The following SHISA6 variants were observed in gnomAD, a reference collection of about 807,000 sequenced individuals.
SHISA6 encodes protein shisa-6.
Under a neutral mutation model 47.9 loss-of-function variants are expected in SHISA6, and 22 were observed. The ratio of observed to expected loss-of-function variants is 0.46; its 90% CI spans 0.33 to 0.66. SHISA6 has a LOEUF of 0.66. Ranked by LOEUF, SHISA6 falls within the 30% of genes least tolerant of loss-of-function variation. The pLI is 0.02. For missense variants in SHISA6, 680 were observed against 764.6 expected (o/e 0.89, Z 1.30); for synonymous variants, 388 against 337.8 (o/e 1.15, Z -1.63).
chr17:11,334,085 A>G (rs1911230031), intron 2 of SHISA6, among the ~76,000 whole-genome samples: 1 of 152,172 alleles, frequency 6.6e-6, no homozygotes. Context: ...TCTGTGAGCC[A>G]TTCCAGAAAT....
intron 3 of SHISA6, among the ~76,000 whole-genome samples, chr17:11,434,060 C>G (rs1321575966): frequency 6.7e-6 from 1 of 149,496 alleles, no homozygotes; most frequent in Non-Finnish European, 1.5e-5. Flanking sequence ...TTTCTTTTTT[C>G]TCTCTTTTTT....
In SHISA6 at chr17:11,306,770, A is replaced by G. The variant is rs75015331; in HGVS notation, c.799+43244A>G. ...GGTCTACTTGCTTCCTGTCAGTTCCATGTTCCAGCAACTGCACTTAGTATT... is the reference window on the plus strand; with the variant it reads ...GGTCTACTTGCTTCCTGTCAGTTCCGTGTTCCAGCAACTGCACTTAGTATT... On this transcript the variant is annotated intron_variant, in intron 2 of 5. Transcript: ENST00000441885. 7.2e-3 allele frequency among the ~76,000 whole-genome samples: 1,093 copies of G among 152,252 alleles called. 31 individuals carry two copies. The East Asian group carries it at 0.084, about 12-fold the overall frequency.
chr17:11,265,594 G>GTAGT (rs1718752765), intron 2 of SHISA6, among the ~76,000 whole-genome samples: 1 of 152,282 alleles, frequency 6.6e-6, no homozygotes, highest in African/African-American at 2.4e-5. Context: ...CCACCTTTGA[G>GTAGT]TAGTGTATTT....
chr17:11,443,968 G>A (rs1241023728), intron 3 of SHISA6, among the ~76,000 whole-genome samples: 1 of 152,120 alleles, frequency 6.6e-6, no homozygotes, highest in Admixed American at 6.6e-5. Context: ...CACCATAAGT[G>A]ATATTTATAA....
intron 2 of SHISA6, among the ~76,000 whole-genome samples, chr17:11,337,219 G>T (rs186007307): frequency 1.6e-4 from 24 of 152,252 alleles, no homozygotes; most frequent in Admixed American, 1.4e-3. Context: ...GAGAGAGTGG[G>T]CAAAACGCAA....
At chr17:11,447,580 C>T (rs1482712828) in intron 3 of SHISA6, among the ~76,000 whole-genome samples, 1 of 152,174 alleles carries the variant, frequency 6.6e-6, no homozygotes, top group African/African-American at 2.4e-5. Context: ...TGTGTCCCAC[C>T]CTCTACCCCA....
At chr17:11,400,514 G>A (rs1913732329) in intron 3 of SHISA6, among the ~76,000 whole-genome samples, 1 of 152,094 alleles carries the variant, frequency 6.6e-6, no homozygotes, top group Non-Finnish European at 1.5e-5. Context: ...CCCAGTATGA[G>A]CTTCTGTCAA....
intron 3 of SHISA6, among the ~76,000 whole-genome samples, chr17:11,399,990 T>C (rs973669797): frequency 2.6e-5 from 4 of 152,324 alleles, no homozygotes; most frequent in Middle Eastern, 3.4e-3. Flanking sequence ...TGCTTGAAAG[T>C]CATTTCTCAT....
intron 2 of SHISA6, among the ~76,000 whole-genome samples, chr17:11,361,871 C>T (rs563192710): frequency 3.3e-5 from 5 of 152,208 alleles, no homozygotes; most frequent in South Asian, 2.1e-4. Context: ...ACAACAGAGG[C>T]GGAATTCTAT....
chr17:11,505,882 G>A (rs2071494625), intron 3 of SHISA6, among the ~76,000 whole-genome samples: 1 of 152,126 alleles, frequency 6.6e-6, no homozygotes, highest in African/African-American at 2.4e-5. Flanking sequence ...GGAGAAGAAA[G>A]GCATATACTG....
At chr17:11,528,150 C>A (rs1338245951) in intron 3 of SHISA6, among the ~76,000 whole-genome samples, 1 of 151,938 alleles carries the variant, frequency 6.6e-6, no homozygotes, top group South Asian at 2.1e-4. Flanking sequence ...TAGTATTTAC[C>A]AAACTAAGCA....
intron 2 of SHISA6, among the ~76,000 whole-genome samples, chr17:11,265,877 C>T (rs1908406833): frequency 6.6e-6 from 1 of 152,174 alleles, no homozygotes; most frequent in Admixed American, 6.5e-5. Context: ...CTCGTCTCTT[C>T]TAGTGAGCTG....
chr17:11,496,510 C>T (rs897564284), intron 3 of SHISA6, among the ~76,000 whole-genome samples: 17 of 152,022 alleles, frequency 1.1e-4, no homozygotes, highest in Middle Eastern at 3.2e-3. Flanking sequence ...GAGGCTGAGG[C>T]GGGTGAATCA....
At chr17:11,406,480 G>GGACA (rs1913964222) in intron 3 of SHISA6, among the ~76,000 whole-genome samples, 1 of 152,094 alleles carries the variant, frequency 6.6e-6, no homozygotes, top group Admixed American at 6.5e-5. Context: ...TCTTGCCTTT[G>GGACA]GACATCACCT....
rs7213160 is a variant in SHISA6, at chr17:11,256,626, C to G, written c.639-6740C>G. On this transcript the variant is annotated intron_variant, in intron 1 of 5. Transcript: ENST00000441885. ...CTGGTTGACCATATGGCCCTGCTAC[C>G]AAATCTTGGTAGCATTTTTTGGTTT... 6.0e-3 allele frequency among the ~76,000 whole-genome samples: 915 copies of G among 152,272 alleles called. 7 individuals carry two copies. Among genetic ancestry groups the G allele is most frequent in the African/African-American group, 0.021 (869 of 41,540 alleles).
At chr17:11,318,345 A>G (rs1321667684) in intron 2 of SHISA6, among the ~76,000 whole-genome samples, 1 of 152,132 alleles carries the variant, frequency 6.6e-6, no homozygotes, top group African/African-American at 2.4e-5. Flanking sequence ...TACATATTTC[A>G]TGTATTTCCT....
At chr17:11,402,641 G>A (rs1456283648) in intron 3 of SHISA6, among the ~76,000 whole-genome samples, 2 of 152,220 alleles carry the variant, frequency 1.3e-5, no homozygotes, top group Non-Finnish European at 2.9e-5. Context: ...TTGACTTGAT[G>A]CATGTGACAT....
chr17:11,322,211 C>T (rs2041241), intron 2 of SHISA6, among the ~76,000 whole-genome samples: 79,621 of 151,838 alleles, frequency 0.52, 21,055 homozygotes, highest in Middle Eastern at 0.65. Flanking sequence ...TACATATGTT[C>T]TAAGCCCCAC....
chr17:11,312,606 G>T (rs1044928733), intron 2 of SHISA6, among the ~76,000 whole-genome samples: 3 of 152,168 alleles, frequency 2.0e-5, no homozygotes, highest in Non-Finnish European at 4.4e-5. Flanking sequence ...AGCATCCAAA[G>T]AGACCTTGTC....
Sources: allele counts gnomAD v4.1 joint callset (sites outside exome capture counted in the v4.1 genomes callset), GRCh38; gene constraint gnomAD v4.1.1; transcripts MANE v1.5; gene names NCBI Gene and HGNC (gene_info 2026-07-23, HGNC 2026-07-21).